The following NTN1 variants were observed in gnomAD, a reference collection of about 807,000 sequenced individuals.
The protein encoded by NTN1 is netrin 1.
NTN1 carries 11 observed loss-of-function variants against 54.2 expected under a neutral mutation model. The ratio of observed to expected loss-of-function variants is 0.20; its 90% CI spans 0.13 to 0.34. The LOEUF (loss-of-function observed/expected upper bound fraction) is 0.34. Ranked by LOEUF, NTN1 falls within the 10% of genes least tolerant of loss-of-function variation. The pLI, the probability that NTN1 is intolerant of heterozygous loss-of-function variation, is 1.00. For synonymous variants in NTN1, 371 were observed against 382.0 expected, an observed-to-expected ratio of 0.97 and a Z score of 0.33; for missense variants, 740 against 893.1, an observed-to-expected ratio of 0.83 and a Z score of 2.18.
At chr17:9,191,568 A>G (rs555605305) in intron 5 of NTN1, among the ~76,000 whole-genome samples, 1 of 152,324 alleles carries the variant, frequency 6.6e-6, no homozygotes, top group South Asian at 2.1e-4. Context: ...AAAAAGATTA[A>G]TGTCCTCAAT....
intron 2 of NTN1, among the ~76,000 whole-genome samples, chr17:9,065,571 C>G (rs937618717): frequency 6.6e-6 from 1 of 152,266 alleles, no homozygotes; most frequent in Non-Finnish European, 1.5e-5. Context: ...CACTGAATGC[C>G]TGTCTCCTGA....
intron 2 of NTN1, among the ~76,000 whole-genome samples, chr17:9,147,033 A>C (rs2092315603): frequency 6.6e-6 from 1 of 152,138 alleles, no homozygotes; most frequent in African/African-American, 2.4e-5. Context: ...ATGTTCAGCT[A>C]TGGAGCCACC....
At position 9,104,368 on chromosome 17, in the gene NTN1, A is replaced by G. The variant is rs2092159379; in HGVS notation, c.1019-58445A>G. On this transcript the variant is annotated intron_variant, in intron 2 of 6. Coordinates refer to ENST00000173229, the MANE Select transcript of NTN1 (RefSeq NM_004822.3). ...GGTTAAGGTGGTAAATTTCTTGTGCATTTTACCATAGTACAAAGATAGGTG... is the reference window on the plus strand; with the variant it reads ...GGTTAAGGTGGTAAATTTCTTGTGCGTTTTACCATAGTACAAAGATAGGTG... 2.0e-5 allele frequency among the ~76,000 whole-genome samples: 3 copies of G among 152,220 alleles called. No individual in the cohort carries two copies. The South Asian group carries it at 6.2e-4, about 31-fold the overall frequency.
intron 3 of NTN1, among the ~76,000 whole-genome samples, chr17:9,178,150 T>C (rs566056250): frequency 6.6e-6 from 1 of 152,318 alleles, no homozygotes; most frequent in African/African-American, 2.4e-5. Flanking sequence ...TGAGCCGAGA[T>C]TACGCCATTG....
At chr17:9,175,693 G>A (rs891788287) in intron 3 of NTN1, 1 of 152,246 alleles carries the variant, frequency 6.6e-6, no homozygotes, top group Admixed American at 6.5e-5. Flanking sequence ...CTGTCTGAAA[G>A]CGCGTGGGTC....
intron 6 of NTN1, among the ~76,000 whole-genome samples, chr17:9,228,369 G>C (rs1905671646): frequency 6.6e-6 from 1 of 152,210 alleles, no homozygotes; most frequent in African/African-American, 2.4e-5. Flanking sequence ...AGTGCAGTGT[G>C]GGGCCCAGGG....
rs536861898 is a variant in NTN1, at chr17:9,070,887, C to T, written c.1018+47496C>T. Among the ~76,000 whole-genome samples the T allele has an allele frequency of 1.5e-3, 229 of 152,322 alleles. 1 individual carries two copies. The highest frequency in any genetic ancestry group is 4.1e-3 in the African/African-American group (172 of 41,566). ...GATTACAGGCATGAGCCACCGCACCCGGTCCTGGAGCTCACTTTTAAGCTA... is the reference window on the plus strand; with the variant it reads ...GATTACAGGCATGAGCCACCGCACCTGGTCCTGGAGCTCACTTTTAAGCTA... On this transcript the variant is annotated intron_variant, in intron 2 of 6. Transcript: ENST00000173229.
chr17:9,095,247 C>T (rs1433866130), intron 2 of NTN1, among the ~76,000 whole-genome samples: 1 of 152,122 alleles, frequency 6.6e-6, no homozygotes, highest in African/African-American at 2.4e-5. Context: ...TCCCTTGCCT[C>T]TGTTTTGCTT....
At chr17:9,042,652 T>C (rs2091926474) in intron 2 of NTN1, among the ~76,000 whole-genome samples, 2 of 152,032 alleles carry the variant, frequency 1.3e-5, no homozygotes, top group African/African-American at 4.8e-5. Context: ...CTGGGTGTGG[T>C]GGCGTGCTCC....
At chr17:9,202,490 C>T (rs1230047805) in intron 5 of NTN1, among the ~76,000 whole-genome samples, 1 of 152,174 alleles carries the variant, frequency 6.6e-6, no homozygotes, top group Non-Finnish European at 1.5e-5. Context: ...GAATTCATTA[C>T]TTTCCTAAAG....
intron 2 of NTN1, among the ~76,000 whole-genome samples, chr17:9,072,759 G>A (rs898053414): frequency 2.6e-5 from 4 of 152,218 alleles, no homozygotes; most frequent in African/African-American, 9.7e-5. Flanking sequence ...TGATTAACCT[G>A]TAGAAAGGGA....
At chr17:9,157,809 T>A (rs1015919187) in intron 2 of NTN1, among the ~76,000 whole-genome samples, 1 of 152,234 alleles carries the variant, frequency 6.6e-6, no homozygotes, top group African/African-American at 2.4e-5. Context: ...AACCCCCTTT[T>A]CTCTGGGCTG....
intron 2 of NTN1, among the ~76,000 whole-genome samples, chr17:9,075,355 A>G (rs771661910): frequency 1.3e-4 from 19 of 151,978 alleles, no homozygotes; most frequent in Non-Finnish European, 2.4e-4. Flanking sequence ...GGCGGTGGGC[A>G]CCTGTAATCC....
At chr17:9,215,959 G>A (rs1342514838) in intron 5 of NTN1, among the ~76,000 whole-genome samples, 1 of 152,126 alleles carries the variant, frequency 6.6e-6, no homozygotes, top group Non-Finnish European at 1.5e-5. Flanking sequence ...CTTTCAAAGT[G>A]GATTACTTAT....
intron 2 of NTN1, among the ~76,000 whole-genome samples, chr17:9,159,461 T>C (rs1483615989): frequency 1.3e-5 from 2 of 152,196 alleles, no homozygotes; most frequent in Non-Finnish European, 2.9e-5. Flanking sequence ...TATAAGCCAG[T>C]ACAGCCTTTC....
At chr17:9,206,006 CTG>C (rs1448304708) in intron 5 of NTN1, among the ~76,000 whole-genome samples, 7 of 152,228 alleles carry the variant, frequency 4.6e-5, no homozygotes, top group African/African-American at 1.7e-4. Context: ...GGGCATGCCT[CTG>C]AGGCTGAGGC....
At chr17:9,072,248 GTTTT>G (rs561199419) in intron 2 of NTN1, among the ~76,000 whole-genome samples, 6 of 131,444 alleles carry the variant, frequency 4.6e-5, no homozygotes, top group African/African-American at 1.4e-4. Context: ...GTTATTTGCT[GTTTT>G]TTTTTTTTTT....
chr17:9,116,004 C>G (rs971246355), intron 2 of NTN1, among the ~76,000 whole-genome samples: 1 of 152,262 alleles, frequency 6.6e-6, no homozygotes, highest in Non-Finnish European at 1.5e-5. Context: ...TTCAACCTCT[C>G]TGCATTTGTT....
chr17:9,199,270 G>A (rs554077155), intron 5 of NTN1, among the ~76,000 whole-genome samples: 1 of 152,282 alleles, frequency 6.6e-6, no homozygotes, highest in Non-Finnish European at 1.5e-5. Flanking sequence ...AGCCTCCCAA[G>A]TAGCTGGGAT....
Sources: allele counts gnomAD v4.1 joint callset (sites outside exome capture counted in the v4.1 genomes callset), GRCh38; gene constraint gnomAD v4.1.1; transcripts MANE v1.5; gene names NCBI Gene and HGNC (gene_info 2026-07-23, HGNC 2026-07-21).